Variants in EIF3H observed in about 807,000 individuals in gnomAD.
The protein encoded by EIF3H is eukaryotic translation initiation factor 3 subunit H.
A neutral mutation model predicts 44.2 loss-of-function variants in EIF3H; 26 were observed. That is an observed-to-expected ratio of 0.59 (90% CI 0.43 to 0.82). EIF3H has a LOEUF of 0.82. EIF3H is among the 40% of genes least tolerant of loss of function. EIF3H has a pLI of 0.00. For missense variants in EIF3H, 359 were observed against 432.8 expected (o/e 0.83, Z 1.51); for synonymous variants, 166 against 151.9 (o/e 1.09, Z -0.68).
intron 2 of EIF3H, among the ~76,000 whole-genome samples, chr8:116,703,198 C>T (rs1430857004): frequency 3.3e-5 from 5 of 151,990 alleles, no homozygotes; most frequent in Admixed American, 3.3e-4. Context: ...TTTCTTCTAC[C>T]ATTATAACCT....
chr8:116,693,333 A>AT (rs1814211744), intron 2 of EIF3H, among the ~76,000 whole-genome samples: 1 of 152,222 alleles, frequency 6.6e-6, no homozygotes, highest in Non-Finnish European at 1.5e-5. Context: ...GAGCTCCTTA[A>AT]GAGTGAGGAG....
chr8:116,655,574 C>A (rs1813474989), intron 5 of EIF3H, among the ~76,000 whole-genome samples: 1 of 152,132 alleles, frequency 6.6e-6, no homozygotes, highest in Non-Finnish European at 1.5e-5. Flanking sequence ...CTCTTGGGCA[C>A]TGACCTTATC....
chr8:116,729,281 G>A (rs1388870932), intron 1 of EIF3H, among the ~76,000 whole-genome samples: 5 of 152,092 alleles, frequency 3.3e-5, no homozygotes, highest in African/African-American at 1.2e-4. Context: ...CTGGTGACTA[G>A]GACCAGCACA....
At chr8:116,761,705 G>A (rs1815520300) in intron 1 of EIF3H, among the ~76,000 whole-genome samples, 1 of 152,142 alleles carries the variant, frequency 6.6e-6, no homozygotes, top group Non-Finnish European at 1.5e-5. Context: ...GGCACTTCCT[G>A]TTTACTGTCT....
Position 116,727,369 on chromosome 8 carries a change from G to T in EIF3H, c.133-1197C>A, listed in dbSNP as rs116782961. ...AGCAAAGGGAAAACAGGCCAAAGTG[G>T]CTAACCAGGAAACTAAAGAAATTTA... On this transcript the variant is annotated intron_variant, in intron 1 of 7. Transcript: ENST00000521861. Among the ~76,000 whole-genome samples the T allele has an allele frequency of 1.4e-3, 213 of 152,318 alleles. 1 individual carries two copies. Among genetic ancestry groups the T allele is most frequent in the Middle Eastern group, 6.8e-3 (2 of 294 alleles).
intron 2 of EIF3H, among the ~76,000 whole-genome samples, chr8:116,714,617 T>C (rs1334265987): frequency 2.6e-5 from 4 of 152,046 alleles, no homozygotes; most frequent in Admixed American, 6.6e-5. Flanking sequence ...TAGGTAAACA[T>C]GCTATTTTTC....
At chr8:116,673,025 CA>C (rs1165710582) in intron 2 of EIF3H, among the ~76,000 whole-genome samples, 2 of 110,822 alleles carry the variant, frequency 1.8e-5, no homozygotes, top group East Asian at 3.3e-4. Context: ...AAAAAAAAAA[CA>C]CCACAAAAAA....
chr8:116,694,181 A>C (rs1333877286), intron 2 of EIF3H, among the ~76,000 whole-genome samples: 1 of 151,306 alleles, frequency 6.6e-6, no homozygotes, highest in Non-Finnish European at 1.5e-5. Context: ...TTCTCTTCAC[A>C]TAGTTTGTAC....
chr8:116,765,333 T>C (rs3812462), intron 1 of EIF3H, among the ~76,000 whole-genome samples: 2 of 152,208 alleles, frequency 1.3e-5, no homozygotes, highest in Non-Finnish European at 2.9e-5. Flanking sequence ...ATAGATCTTA[T>C]TCCAATTTCA....
At chr8:116,655,523 G>A (rs6996020) in intron 5 of EIF3H, among the ~76,000 whole-genome samples, 5,570 of 152,096 alleles carry the variant, frequency 0.037, 335 homozygotes, top group African/African-American at 0.13. Context: ...TCTTAGGATC[G>A]TGTACAAGAA....
intron 1 of EIF3H, among the ~76,000 whole-genome samples, chr8:116,747,354 G>A (rs548226173): frequency 4.0e-4 from 61 of 151,976 alleles, no homozygotes; most frequent in African/African-American, 1.4e-3. Context: ...GCGGGAGCAC[G>A]GCCCAATAAC....
intron 1 of EIF3H, among the ~76,000 whole-genome samples, chr8:116,734,832 A>ATT (rs956391767): frequency 2.6e-5 from 4 of 152,228 alleles, no homozygotes; most frequent in African/African-American, 9.6e-5. Context: ...AAGTGCTAGG[A>ATT]TTACAGGCGT....
At chr8:116,656,419 G>C (rs1480339799) in intron 4 of EIF3H, among the ~76,000 whole-genome samples, 1 of 152,146 alleles carries the variant, frequency 6.6e-6, no homozygotes, top group Non-Finnish European at 1.5e-5. Flanking sequence ...TCTTGAATTA[G>C]AGTTTAACAA....
At chr8:116,730,042 T>C (rs560733352) in intron 1 of EIF3H, among the ~76,000 whole-genome samples, 6 of 152,338 alleles carry the variant, frequency 3.9e-5, no homozygotes, top group East Asian at 1.9e-4. Flanking sequence ...AAAAAATCAC[T>C]ATTATCAAAA....
intron 2 of EIF3H, among the ~76,000 whole-genome samples, chr8:116,707,319 T>G (rs1814487992): frequency 6.6e-6 from 1 of 152,192 alleles, no homozygotes. Flanking sequence ...AATTTCTGAA[T>G]TGAAAAACCT....
chr8:116,713,090 C>A (rs530533438), intron 2 of EIF3H, among the ~76,000 whole-genome samples: 1 of 151,996 alleles, frequency 6.6e-6, no homozygotes, highest in East Asian at 1.9e-4. Context: ...AATATCTTTA[C>A]GTAAAGTTGT....
chr8:116,647,879 T>C (rs1158038343), intron 6 of EIF3H, among the ~76,000 whole-genome samples: 1 of 152,072 alleles, frequency 6.6e-6, no homozygotes, highest in African/African-American at 2.4e-5. Flanking sequence ...ATGACTTTTT[T>C]CCCCCTCAGT....
chr8:116,680,197 G>GT (rs1270447574), intron 2 of EIF3H, among the ~76,000 whole-genome samples: 1 of 32,760 alleles, frequency 3.1e-5, no homozygotes, highest in East Asian at 5.0e-4. Flanking sequence ...TTCCGGGAGG[G>GT]TGGGGGGGGG....
intron 1 of EIF3H, among the ~76,000 whole-genome samples, chr8:116,751,773 T>C (rs1037497238): frequency 6.6e-6 from 1 of 152,228 alleles, no homozygotes; most frequent in Non-Finnish European, 1.5e-5. Flanking sequence ...GCAGCAAAGC[T>C]TAAATGGTGA....
Sources: allele counts gnomAD v4.1 joint callset (sites outside exome capture counted in the v4.1 genomes callset), GRCh38; gene constraint gnomAD v4.1.1; transcripts MANE v1.5; gene names NCBI Gene and HGNC (gene_info 2026-07-23, HGNC 2026-07-21).